The following MACROD2 variants were observed in gnomAD, a reference collection of about 807,000 sequenced individuals.
MACROD2 encodes ADP-ribose glycohydrolase MACROD2.
MACROD2 carries 36 observed loss-of-function variants against 70.4 expected under a neutral mutation model. The ratio of observed to expected loss-of-function variants is 0.51; its 90% CI spans 0.39 to 0.68. MACROD2 has a LOEUF of 0.68. Ranked by LOEUF, MACROD2 falls within the 30% of genes least tolerant of loss-of-function variation. The pLI is 0.00. For synonymous variants in MACROD2, 172 were observed against 178.8 expected (o/e 0.96, Z 0.30); for missense variants, 496 against 538.4 (o/e 0.92, Z 0.78).
intron 6 of MACROD2, among the ~76,000 whole-genome samples, chr20:15,274,741 G>A (rs1434024895): frequency 6.6e-6 from 1 of 152,200 alleles, no homozygotes; most frequent in African/African-American, 2.4e-5. Flanking sequence ...ATTGAGCTCA[G>A]GGACTGAGAA....
At chr20:14,821,983 AT>A (rs781685302) in intron 5 of MACROD2, among the ~76,000 whole-genome samples, 1 of 152,066 alleles carries the variant, frequency 6.6e-6, no homozygotes, top group Admixed American at 6.6e-5. Context: ...GATGTTTGAT[AT>A]TGTTTAGGAT....
At chr20:14,362,573 T>C (rs987443984) in intron 3 of MACROD2, among the ~76,000 whole-genome samples, 1 of 152,190 alleles carries the variant, frequency 6.6e-6, no homozygotes, top group Non-Finnish European at 1.5e-5. Context: ...AAGTTAACTT[T>C]GTATAGTATG....
chr20:15,218,110 C>G (rs1278953079), intron 5 of MACROD2, among the ~76,000 whole-genome samples: 1 of 152,142 alleles, frequency 6.6e-6, no homozygotes, highest in African/African-American at 2.4e-5. Context: ...TTACTCTTAA[C>G]TAACACTTCT....
At chr20:14,180,445 G>A (rs1294526149) in intron 3 of MACROD2, among the ~76,000 whole-genome samples, 1 of 152,102 alleles carries the variant, frequency 6.6e-6, no homozygotes, top group Non-Finnish European at 1.5e-5. Context: ...AACTAGAATA[G>A]TATATTATTT....
At chr20:15,954,571 C>T (rs16996862) in intron 12 of MACROD2, among the ~76,000 whole-genome samples, 2,789 of 152,148 alleles carry the variant, frequency 0.018, 44 homozygotes, top group African/African-American at 0.051. Context: ...CCATTTTATC[C>T]CTGTGATTAG....
chr20:14,140,399 G>A (rs2054855203), intron 3 of MACROD2, among the ~76,000 whole-genome samples: 1 of 152,190 alleles, frequency 6.6e-6, no homozygotes, highest in Non-Finnish European at 1.5e-5. Flanking sequence ...ACAAATGCCT[G>A]AAGATATAGT....
At chr20:15,355,966 C>G (rs2078282523) in intron 6 of MACROD2, among the ~76,000 whole-genome samples, 2 of 152,186 alleles carry the variant, frequency 1.3e-5, no homozygotes, top group Admixed American at 6.5e-5. Context: ...AGCTCTAGTT[C>G]TAGTAATTTA....
At chr20:14,833,976 T>C (rs2073000211) in intron 5 of MACROD2, among the ~76,000 whole-genome samples, 1 of 152,080 alleles carries the variant, frequency 6.6e-6, no homozygotes, top group Non-Finnish European at 1.5e-5. Flanking sequence ...ATTCTATGAA[T>C]ATTTACATTT....
At chr20:15,668,491 C>G (rs2049932320) in intron 8 of MACROD2, among the ~76,000 whole-genome samples, 1 of 152,018 alleles carries the variant, frequency 6.6e-6, no homozygotes, top group Non-Finnish European at 1.5e-5. Flanking sequence ...TGGCTTGAAC[C>G]TGGGAGGCGG....
chr20:16,031,090 T>C (rs2147581404), intron 15 of MACROD2, among the ~76,000 whole-genome samples: 1 of 151,952 alleles, frequency 6.6e-6, no homozygotes, highest in African/African-American at 2.4e-5. Flanking sequence ...AAGATGACAA[T>C]CCAGGAGAAA....
intron 5 of MACROD2, among the ~76,000 whole-genome samples, chr20:14,996,262 A>C (rs1424533062): frequency 6.6e-6 from 1 of 152,174 alleles, no homozygotes; most frequent in Admixed American, 6.5e-5. Flanking sequence ...GGCTTTTCAC[A>C]TCAAGGGAAT....
intron 5 of MACROD2, among the ~76,000 whole-genome samples, chr20:14,997,030 T>C (rs1344979821): frequency 1.3e-5 from 2 of 152,272 alleles, no homozygotes; most frequent in African/African-American, 4.8e-5. Context: ...CCAGTGGACT[T>C]GGGTGCACAT....
intron 5 of MACROD2, among the ~76,000 whole-genome samples, chr20:15,158,865 T>C (rs1284080997): frequency 6.6e-6 from 1 of 152,162 alleles, no homozygotes. Flanking sequence ...AGTTACAGGA[T>C]GACAAGGAGT....
intron 8 of MACROD2, among the ~76,000 whole-genome samples, chr20:15,605,453 C>CGTGTGTGTGTGTGT (rs57584580): frequency 0.015 from 2,064 of 141,756 alleles, 26 homozygotes; most frequent in Middle Eastern, 0.021. Flanking sequence ...AGGATGTAAG[C>CGTGTGTGTGTGTGT]GTGTGTGTGT....
chr20:14,943,207 C>T (rs1003503885), intron 5 of MACROD2, among the ~76,000 whole-genome samples: 4 of 152,028 alleles, frequency 2.6e-5, no homozygotes, highest in South Asian at 2.1e-4. Flanking sequence ...CAGATATTTG[C>T]GAAGTGTAGA....
At chr20:14,952,889 C>G (rs2074487114) in intron 5 of MACROD2, among the ~76,000 whole-genome samples, 1 of 151,942 alleles carries the variant, frequency 6.6e-6, no homozygotes, top group Admixed American at 6.6e-5. Context: ...TTGCATATTT[C>G]TTTAAGACAG....
intron 5 of MACROD2, among the ~76,000 whole-genome samples, chr20:14,724,036 G>A (rs1315379955): frequency 6.6e-6 from 1 of 152,058 alleles, no homozygotes; most frequent in Non-Finnish European, 1.5e-5. Flanking sequence ...ACTTCTTGGT[G>A]TATCTACATA....
intron 8 of MACROD2, among the ~76,000 whole-genome samples, chr20:15,551,245 C>G (rs767794576): frequency 6.6e-6 from 1 of 151,886 alleles, no homozygotes; most frequent in Non-Finnish European, 1.5e-5. Context: ...ACAGAGTTCC[C>G]TGGCAACAGT....
At chr20:15,478,203 C>G (rs1452588866) in intron 7 of MACROD2, among the ~76,000 whole-genome samples, 1 of 152,160 alleles carries the variant, frequency 6.6e-6, no homozygotes, top group Non-Finnish European at 1.5e-5. Context: ...TTCTGAGAAA[C>G]CATATGGACC....
Sources: gnomAD v4.1 joint callset for allele counts (sites outside exome capture counted in the v4.1 genomes callset) on GRCh38, gnomAD v4.1.1 for gene constraint, MANE v1.5 for transcripts, NCBI Gene and HGNC (gene_info 2026-07-23, HGNC 2026-07-21) for gene names.